The following SLC14A2 variants were observed in gnomAD, a reference collection of about 807,000 sequenced individuals.
SLC14A2 encodes urea transporter 2.
Under a neutral mutation model 104.6 loss-of-function variants are expected in SLC14A2, and 91 were observed. The ratio of observed to expected loss-of-function variants is 0.87; its 90% CI spans 0.73 to 1.04. The LOEUF (loss-of-function observed/expected upper bound fraction) is 1.04. Ranked by LOEUF, SLC14A2 falls within the 50% of genes least tolerant of loss-of-function variation. The probability of loss-of-function intolerance (pLI) is 0.00; values close to 1 mark genes in which losing one functional copy is unlikely to be tolerated. For missense variants in SLC14A2, 1,189 were observed against 1,156.0 expected, an observed-to-expected ratio of 1.03 and a Z score of -0.41; for synonymous variants, 476 against 466.4, an observed-to-expected ratio of 1.02 and a Z score of -0.27.
chr18:45,625,608 A>AC, intron 2 of SLC14A2, 75 bp from the exon 3 acceptor site: 1 of 1,266,742 alleles, frequency 7.9e-7, no homozygotes, highest in Non-Finnish European at 1.1e-6. Context: ...AAAACCTGCC[A>AC]CCCTCCTCTA....
chr18:45,669,101 T>C (rs540537309), intron 15 of SLC14A2, among the ~76,000 whole-genome samples: 1 of 152,362 alleles, frequency 6.6e-6, no homozygotes, highest in African/African-American at 2.4e-5. Context: ...TATCTTCTTC[T>C]GAAGTTGAGT....
intron 1 of SLC14A2, among the ~76,000 whole-genome samples, chr18:45,328,638 A>T (rs1457193303): frequency 6.6e-6 from 1 of 152,134 alleles, no homozygotes. Flanking sequence ...GTTCCCAGAA[A>T]ATCTTCCTTC....
rs75852143 is a variant in SLC14A2, at chr18:45,626,866, A to T, written c.332-92A>T. The T allele has an allele frequency of 7.2e-4, 683 of 948,396 alleles. 4 individuals carry two copies. In the East Asian group the frequency reaches 0.016, roughly 23 times the overall value. The allele number at this position is 948,396 out of a possible 1,614,324, so 58.7% of individuals were successfully genotyped here. On this transcript the variant is annotated intron_variant, in intron 3 of 19. Transcript: ENST00000255226. ...GAATGGGAAGGGTCCTGGCTTGCAC[A>T]TTCCTGTTTGCCTTGGTTGCCATGC...
intron 1 of SLC14A2, among the ~76,000 whole-genome samples, chr18:45,389,764 T>G (rs1222641229): frequency 3.3e-5 from 5 of 152,174 alleles, no homozygotes; most frequent in Admixed American, 3.3e-4. Flanking sequence ...CCTATTTCTC[T>G]CCTCTTGTCC....
At chr18:45,196,333 C>T in the SLC14A2 span, among the ~76,000 whole-genome samples, 1 of 152,174 alleles carries the variant, frequency 6.6e-6, no homozygotes, top group Non-Finnish European at 1.5e-5. Flanking sequence ...CTTTCTCTCT[C>T]ATTCAATCGC....
chr18:45,644,070 A>G lies in SLC14A2; in HGVS notation c.1261A>G (p.Arg421Gly), dbSNP rs2045578590. The G allele has an allele frequency of 6.2e-7, 1 of 1,614,134 alleles. No homozygotes were observed. The highest frequency in any genetic ancestry group is 1.3e-5 in the African/African-American group (1 of 74,944). ...GACGACAAACAACCCAGCCATCTTC[A>G]GACTCCCACTCAGCAAAGTCACCTA... ...LLTTNNPAIF[R>G]LPLSKVTYPE... Residue 421 changes from arginine to glycine, a missense_variant, in exon 10 of 20, where the codon AGA (arginine) becomes GGA (glycine). By Grantham distance (125) the Arg-to-Gly change is moderately radical. Coordinates refer to ENST00000255226, the MANE Select transcript of SLC14A2 (RefSeq NM_007163.4).
At chr18:45,380,283 G>C (rs1024031386) in intron 1 of SLC14A2, among the ~76,000 whole-genome samples, 3 of 152,164 alleles carry the variant, frequency 2.0e-5, no homozygotes, top group African/African-American at 4.8e-5. Flanking sequence ...ATGCCCACTA[G>C]CCAAAGACCA....
At chr18:45,274,527 G>A (rs551449214) in intron 1 of SLC14A2, among the ~76,000 whole-genome samples, 6 of 152,188 alleles carry the variant, frequency 3.9e-5, no homozygotes, top group Non-Finnish European at 7.4e-5. Context: ...ATTACTCCAC[G>A]GTTATGGATG....
chr18:45,497,776 T>C (rs2043125213), intron 2 of SLC14A2, among the ~76,000 whole-genome samples: 1 of 152,192 alleles, frequency 6.6e-6, no homozygotes, highest in African/African-American at 2.4e-5. Flanking sequence ...GGGTGGTCAC[T>C]AACTAGCTTG....
chr18:45,393,405 C>A (rs1228683685), intron 1 of SLC14A2, among the ~76,000 whole-genome samples: 1 of 152,260 alleles, frequency 6.6e-6, no homozygotes, highest in Non-Finnish European at 1.5e-5. Context: ...TCCTCTCCAG[C>A]CCAAGTTTAT....
intron 2 of SLC14A2, among the ~76,000 whole-genome samples, chr18:45,581,600 G>C (rs549484217): frequency 6.6e-6 from 1 of 152,264 alleles, no homozygotes; most frequent in Admixed American, 6.5e-5. Context: ...ACTCACCCAA[G>C]GTAAGTGGTG....
At chr18:45,253,654 A>G (rs989790083) in intron 1 of SLC14A2, among the ~76,000 whole-genome samples, 1 of 152,164 alleles carries the variant, frequency 6.6e-6, no homozygotes, top group Non-Finnish European at 1.5e-5. Flanking sequence ...ATTTTTATAT[A>G]TGAATATACT....
chr18:45,471,691 C>G (rs2087251535), intron 1 of SLC14A2, among the ~76,000 whole-genome samples: 1 of 151,984 alleles, frequency 6.6e-6, no homozygotes, highest in Non-Finnish European at 1.5e-5. Context: ...TTTTCACCGT[C>G]TTGTTGCTGC....
chr18:45,410,762 A>G (rs764309065), intron 1 of SLC14A2, among the ~76,000 whole-genome samples: 30 of 152,146 alleles, frequency 2.0e-4, no homozygotes, highest in Non-Finnish European at 3.7e-4. Context: ...GAGTCACCTG[A>G]TGTGCACATT....
At chr18:45,663,683 T>C (rs2045966408) in intron 10 of SLC14A2, 102 bp from the exon 11 acceptor site, 4 of 1,338,810 alleles carry the variant, frequency 3.0e-6, no homozygotes, top group Non-Finnish European at 4.1e-6. Context: ...TTCACTGCTC[T>C]CTCCTTTCCA....
At chr18:45,368,531 G>A (rs893899536) in intron 1 of SLC14A2, among the ~76,000 whole-genome samples, 3 of 152,152 alleles carry the variant, frequency 2.0e-5, no homozygotes, top group Non-Finnish European at 4.4e-5. Context: ...GCCACATTGG[G>A]CTTATGACTT....
chr18:45,648,299 G>A (rs566119559), intron 10 of SLC14A2, among the ~76,000 whole-genome samples: 6 of 147,204 alleles, frequency 4.1e-5, no homozygotes, highest in South Asian at 2.1e-4. Flanking sequence ...TCCGCCTCCC[G>A]GGTTCACGCC....
intron 1 of SLC14A2, among the ~76,000 whole-genome samples, chr18:45,239,574 A>G (rs773113280): frequency 6.6e-6 from 1 of 152,246 alleles, no homozygotes; most frequent in Non-Finnish European, 1.5e-5. Flanking sequence ...CCATCAGGGC[A>G]GAGACACATG....
rs1324079237 is a variant in SLC14A2 at position 45,215,814 on chromosome 18, G to T, written c.-125+2623G>T. ...TTTCCCAGTACCGGTTCTTTTTACA[G>T]AATTCTCTCTGTGATTTCTATAATG... On this transcript the variant is annotated intron_variant, in intron 1 of 20. Transcript: ENST00000586448. Among the ~76,000 whole-genome samples the T allele has an allele frequency of 2.6e-5, 4 of 152,114 alleles. No homozygotes were observed. In the East Asian group the frequency reaches 7.7e-4, roughly 29 times the overall value.
Sources: allele counts gnomAD v4.1 joint callset (sites outside exome capture counted in the v4.1 genomes callset), GRCh38; gene constraint gnomAD v4.1.1; transcripts MANE v1.5; gene names NCBI Gene and HGNC (gene_info 2026-07-23, HGNC 2026-07-21).